Variants in PARD3B observed in about 807,000 individuals in gnomAD.
The protein encoded by PARD3B is par-3 family cell polarity regulator beta.
A neutral mutation model predicts 130.2 loss-of-function variants in PARD3B; 103 were observed. That is an observed-to-expected ratio of 0.79 (90% CI 0.67 to 0.93). The LOEUF (loss-of-function observed/expected upper bound fraction) is 0.93, where lower values mean the gene tolerates loss of function less well. Ranked by LOEUF, PARD3B falls within the 40% of genes least tolerant of loss-of-function variation. The pLI is 0.00. For synonymous variants in PARD3B, 583 were observed against 553.2 expected (o/e 1.05, Z -0.76); for missense variants, 1,609 against 1,499.2 (o/e 1.07, Z -1.21).
intron 19 of PARD3B, among the ~76,000 whole-genome samples, chr2:205,426,122 A>G (rs899268920): frequency 8.5e-5 from 13 of 152,214 alleles, no homozygotes; most frequent in African/African-American, 2.9e-4. Context: ...AGAAAATATT[A>G]TAGACACCCA....
intron 3 of PARD3B, among the ~76,000 whole-genome samples, chr2:204,998,837 C>A (rs1694579705): frequency 6.6e-6 from 1 of 152,048 alleles, no homozygotes. Context: ...CCTCAGCCTC[C>A]CGAGTAGCTG....
intron 5 of PARD3B, 27 bp from the exon 6 acceptor site, chr2:205,113,464 T>C (rs1269130315): frequency 6.4e-7 from 1 of 1,558,240 alleles, no homozygotes; most frequent in Admixed American, 1.7e-5. Context: ...AGACACTCAT[T>C]TGTGCTCTTG....
chr2:204,962,631 A>G (rs1240980221), intron 2 of PARD3B, among the ~76,000 whole-genome samples: 2 of 152,160 alleles, frequency 1.3e-5, no homozygotes, highest in Non-Finnish European at 2.9e-5. Context: ...CGAGGAATGT[A>G]GGTGTTCAGA....
chr2:204,717,068 G>T (rs2038767102), intron 2 of PARD3B, among the ~76,000 whole-genome samples: 1 of 152,148 alleles, frequency 6.6e-6, no homozygotes, highest in South Asian at 2.1e-4. Context: ...AGGATTTGCT[G>T]CAATGGACTG....
intron 18 of PARD3B, among the ~76,000 whole-genome samples, chr2:205,356,923 C>T (rs2044215939): frequency 6.7e-6 from 1 of 149,712 alleles, no homozygotes; most frequent in African/African-American, 2.4e-5. Context: ...ACAAAAAGAA[C>T]ATCATTCCAG....
At chr2:204,588,818 C>T (rs1351129617) in intron 1 of PARD3B, among the ~76,000 whole-genome samples, 3 of 152,028 alleles carry the variant, frequency 2.0e-5, no homozygotes. Flanking sequence ...CATCAGTTCC[C>T]GTTCAATGCA....
rs1017232607 is a variant in PARD3B, at chr2:205,244,573, G to A, written c.2141-1205G>A. On this transcript the variant is annotated intron_variant, in intron 15 of 22. Transcript: ENST00000406610. The surrounding 1 kb of genome is among the most constrained non-coding windows in gnomAD (Gnocchi z 4.7). ...CCTCTCTCTTTCTAATACATTTTCTGTAGAATTGGTCTTATTTATTTCTTA... is the reference window on the plus strand; with the variant it reads ...CCTCTCTCTTTCTAATACATTTTCTATAGAATTGGTCTTATTTATTTCTTA... Among the ~76,000 whole-genome samples, 10 of 152,060 alleles carry A rather than the reference G, an allele frequency of 6.6e-5. No homozygotes were observed. The highest frequency in any genetic ancestry group is 4.4e-5 in the Non-Finnish European group (3 of 68,022).
chr2:205,192,676 C>T (rs1323536321), intron 14 of PARD3B, among the ~76,000 whole-genome samples: 3 of 152,164 alleles, frequency 2.0e-5, no homozygotes, highest in South Asian at 4.1e-4. Context: ...GGTGAGCAGA[C>T]TGTCTGCTTA....
chr2:205,328,975 C>A (rs1374752244), intron 18 of PARD3B, among the ~76,000 whole-genome samples: 1 of 152,168 alleles, frequency 6.6e-6, no homozygotes, highest in African/African-American at 2.4e-5. Flanking sequence ...TACTACCAAT[C>A]AAAATCCTGC....
chr2:205,257,919 C>T (rs754178380), intron 16 of PARD3B, among the ~76,000 whole-genome samples: 10 of 152,160 alleles, frequency 6.6e-5, no homozygotes, highest in Non-Finnish European at 1.0e-4. Flanking sequence ...ATGACCTACA[C>T]CCTGGGTGCC....
intron 1 of PARD3B, among the ~76,000 whole-genome samples, chr2:204,624,416 CA>C (rs1190162411): frequency 6.6e-6 from 1 of 151,950 alleles, no homozygotes; most frequent in Admixed American, 6.6e-5. Context: ...GAAAACTACT[CA>C]AAAAATGAAA....
At chr2:204,643,113 C>CAAAAAAAAAAAAAAAAA (rs1252171157) in intron 1 of PARD3B, among the ~76,000 whole-genome samples, 3 of 4,304 alleles carry the variant, frequency 7.0e-4, no homozygotes, top group Non-Finnish European at 1.6e-3. Context: ...GACTCTGTCT[C>CAAAAAAAAAAAAAAAAA]ACAAAAAAAA....
At chr2:205,551,978 T>C (rs1336639373) in intron 21 of PARD3B, among the ~76,000 whole-genome samples, 2 of 152,170 alleles carry the variant, frequency 1.3e-5, no homozygotes, top group Non-Finnish European at 2.9e-5. Flanking sequence ...TGATACCAAG[T>C]GCGTTGAGGT....
chr2:204,966,009 T>A (rs1171131080), intron 3 of PARD3B, among the ~76,000 whole-genome samples: 1 of 152,198 alleles, frequency 6.6e-6, no homozygotes, highest in African/African-American at 2.4e-5. Flanking sequence ...CAAACAACTT[T>A]TTATGCCTGT....
At chr2:205,320,799 A>G (rs982803890) in intron 18 of PARD3B, among the ~76,000 whole-genome samples, 2 of 152,244 alleles carry the variant, frequency 1.3e-5, no homozygotes, top group African/African-American at 4.8e-5. Flanking sequence ...ATGTGTCTCA[A>G]CTGATTGTTA....
chr2:205,144,407 C>T (rs959479791), intron 10 of PARD3B, among the ~76,000 whole-genome samples: 15 of 152,158 alleles, frequency 9.9e-5, no homozygotes, highest in Non-Finnish European at 1.8e-4. Flanking sequence ...ATTTGTGTGA[C>T]AGTAGCTGAC....
At chr2:204,658,784 A>C (rs1339662643) in intron 1 of PARD3B, among the ~76,000 whole-genome samples, 2 of 152,176 alleles carry the variant, frequency 1.3e-5, no homozygotes, top group Non-Finnish European at 2.9e-5. Flanking sequence ...CTCTAGATCC[A>C]ACAAAAGTCC....
At chr2:204,696,023 C>G (rs531467168) in intron 2 of PARD3B, among the ~76,000 whole-genome samples, 1 of 152,076 alleles carries the variant, frequency 6.6e-6, no homozygotes, top group South Asian at 2.1e-4. Context: ...TCAGAATCTT[C>G]CCAAGATTCC....
intron 18 of PARD3B, among the ~76,000 whole-genome samples, chr2:205,391,123 A>G (rs375088847): frequency 4.6e-5 from 7 of 152,026 alleles, no homozygotes; most frequent in Middle Eastern, 3.2e-3. Flanking sequence ...CAAACGGGCA[A>G]CCTCCCACAG....
Sources: gnomAD v4.1 joint callset for allele counts (sites outside exome capture counted in the v4.1 genomes callset) on GRCh38, gnomAD v4.1.1 for gene constraint, Gnocchi (gnomAD v3.1) non-coding constraint, MANE v1.5 for transcripts, NCBI Gene and HGNC (gene_info 2026-07-23, HGNC 2026-07-21) for gene names.